Variants in RBM34 observed in about 807,000 individuals in gnomAD.
RBM34 encodes RNA-binding protein 34.
Under a neutral mutation model 44.6 loss-of-function variants are expected in RBM34, and 39 were observed. That is an observed-to-expected ratio of 0.87 (90% CI 0.68 to 1.14). The LOEUF is 1.14. Ranked by LOEUF, RBM34 falls within the 50% of genes most tolerant of loss-of-function variation. The pLI, the probability that RBM34 is intolerant of heterozygous loss-of-function variation, is 0.00. For missense variants in RBM34, 572 were observed against 517.9 expected (o/e 1.10, Z -1.01); for synonymous variants, 194 against 184.0 (o/e 1.05, Z -0.44).
At chr1:235,134,284 A>G (rs1197429959) in intron 10 of RBM34, among the ~76,000 whole-genome samples, 1 of 152,058 alleles carries the variant, frequency 6.6e-6, no homozygotes, top group African/African-American at 2.4e-5. Context: ...TTGGCCTCCT[A>G]AAGTGGTGGG....
chr1:235,155,816 CATATACATATATATATATATAT>C (rs1438449708), intron 3 of RBM34, among the ~76,000 whole-genome samples: 22 of 72,722 alleles, frequency 3.0e-4, no homozygotes, highest in African/African-American at 1.2e-3. Flanking sequence ...TTTATACATA[CATATACATATATATATATATAT>C]ATATATATAT....
intron 3 of RBM34, among the ~76,000 whole-genome samples, chr1:235,155,840 T>C (rs1381424164): frequency 8.2e-4 from 21 of 25,608 alleles, no homozygotes; most frequent in Admixed American, 2.6e-3. Context: ...TATATATATA[T>C]ATATATATAT....
In RBM34 at chr1:235,131,400, T is replaced by G. The variant is rs545312333; in HGVS notation, c.*313A>C. The G allele has an allele frequency of 3.1e-5, 6 of 193,998 alleles. No individual in the cohort carries two copies. The East Asian group carries it at 7.5e-4, about 24-fold the overall frequency. The allele number at this position is 193,998 out of a possible 1,614,324, so 12.0% of individuals were successfully genotyped here. ...GCAGGCGCCTGTAATCCCAGCTACT[T>G]GGGAGGCTGAGGCAGGAGAAGCGCT... On this transcript the variant is annotated 3_prime_UTR_variant, in exon 11 of 11. Coordinates refer to ENST00000408888, the MANE Select transcript of RBM34 (RefSeq NM_015014.4).
intron 6 of RBM34, among the ~76,000 whole-genome samples, chr1:235,145,333 A>AGTG (rs1661857589): frequency 6.7e-6 from 1 of 150,264 alleles, no homozygotes; most frequent in South Asian, 2.1e-4. Flanking sequence ...GCTGGAGCGT[A>AGTG]GTGGTGCAAT....
intron 3 of RBM34, among the ~76,000 whole-genome samples, 200 bp from the exon 4 acceptor site, chr1:235,155,312 G>A (rs908123143): frequency 6.6e-6 from 1 of 151,730 alleles, no homozygotes; most frequent in East Asian, 1.9e-4. Flanking sequence ...GAAAAAAAAT[G>A]ATTTAACTCA....
At chr1:235,147,501 T>C (rs1224197720) in intron 6 of RBM34, among the ~76,000 whole-genome samples, 3 of 152,184 alleles carry the variant, frequency 2.0e-5, no homozygotes, top group Non-Finnish European at 4.4e-5. Context: ...ATGCCTGGTA[T>C]CTAGGAGGAT....
chr1:235,155,486 C>T (rs917087405), intron 3 of RBM34, among the ~76,000 whole-genome samples: 2 of 146,460 alleles, frequency 1.4e-5, no homozygotes, highest in Non-Finnish European at 3.0e-5. Flanking sequence ...GGACCACAGG[C>T]GCATGCCCCC....
At chr1:235,140,726 A>G (rs1003814660) in intron 6 of RBM34, among the ~76,000 whole-genome samples, 3 of 152,248 alleles carry the variant, frequency 2.0e-5, no homozygotes, top group African/African-American at 7.2e-5. Context: ...GCCCCGGTGC[A>G]GGATCCACTG....
In RBM34 at chr1:235,160,845, T is replaced by C. The variant is rs756100178; in HGVS notation, c.228+48A>G. 38 of 1,601,354 alleles carry C rather than the reference T, an allele frequency of 2.4e-5. 1 individual carries two copies. The East Asian group carries it at 7.8e-4, about 33-fold the overall frequency. Reference sequence around the variant, plus strand: ...CGGTAGGTAAGAAGATTGCTTTGTATGTAAGTGGTTCTAACGAGCTATTCG... The same window carrying C: ...CGGTAGGTAAGAAGATTGCTTTGTACGTAAGTGGTTCTAACGAGCTATTCG... On this transcript the variant is annotated intron_variant, in intron 2 of 10. Coordinates refer to ENST00000408888, the MANE Select transcript of RBM34 (RefSeq NM_015014.4).
intron 3 of RBM34, among the ~76,000 whole-genome samples, chr1:235,155,862 T>TACATATAC (rs1553275375): frequency 7.5e-5 from 3 of 39,982 alleles, no homozygotes; most frequent in African/African-American, 4.2e-4. Flanking sequence ...TATATATATA[T>TACATATAC]ATATACATAT....
At chr1:235,150,603 C>T (rs1382413054) in intron 5 of RBM34, among the ~76,000 whole-genome samples, 2 of 152,140 alleles carry the variant, frequency 1.3e-5, no homozygotes, top group African/African-American at 2.4e-5. Flanking sequence ...AGAAAACCCA[C>T]GTGTAGAGGA....
chr1:235,153,560 G>C (rs562789094), intron 4 of RBM34, among the ~76,000 whole-genome samples: 25 of 152,140 alleles, frequency 1.6e-4, no homozygotes, highest in African/African-American at 6.0e-4. Flanking sequence ...AAGTAGCTGG[G>C]ATTACAGGCA....
intron 5 of RBM34, among the ~76,000 whole-genome samples, chr1:235,151,963 G>A (rs1366936865): frequency 1.3e-5 from 2 of 152,042 alleles, no homozygotes; most frequent in South Asian, 2.1e-4. Flanking sequence ...AACCCAGGAG[G>A]CGAAGGGTGC....
At chr1:235,132,358 G>C (rs978366266) in intron 10 of RBM34, among the ~76,000 whole-genome samples, 1 of 151,992 alleles carries the variant, frequency 6.6e-6, no homozygotes, top group African/African-American at 2.4e-5. Context: ...TGCCAGGCTG[G>C]AGTGCAGTGG....
chr1:235,160,424 TG>T (rs1662655516), intron 3 of RBM34, 86 bp downstream of exon 3: 1 of 1,480,612 alleles, frequency 6.8e-7, no homozygotes, highest in African/African-American at 1.4e-5. Context: ...AGTAGAAATA[TG>T]AAATAAAACT....
chr1:235,147,738 G>A (rs1661964705), intron 6 of RBM34, among the ~76,000 whole-genome samples: 1 of 152,000 alleles, frequency 6.6e-6, no homozygotes. Context: ...TGTTTCTAAA[G>A]TACATTATTA....
chr1:235,152,382 G>A lies in RBM34; in HGVS notation c.657+324C>T, dbSNP rs1662203217. ...GTATGATGGGACATAGGAAGAGAAT[G>A]CCTAGGATTCCAGCAATGATAATCA... On this transcript the variant is annotated intron_variant, in intron 5 of 10. Coordinates refer to ENST00000408888, the MANE Select transcript of RBM34 (RefSeq NM_015014.4). 5 of 715,114 alleles carry A rather than the reference G, an allele frequency of 7.0e-6. 1 individual carries two copies. In the South Asian group the frequency reaches 2.7e-4, roughly 39 times the overall value. 44.3% of individuals were successfully genotyped at this position (715,114 alleles called of 1,614,324 possible).
intron 6 of RBM34, among the ~76,000 whole-genome samples, chr1:235,140,798 G>C (rs1661651209): frequency 6.6e-6 from 1 of 152,340 alleles, no homozygotes; most frequent in East Asian, 1.9e-4. Context: ...GTCTAGCTCA[G>C]GGATTGTAAA....
At chr1:235,146,077 G>A (rs868003389) in intron 6 of RBM34, among the ~76,000 whole-genome samples, 4 of 143,398 alleles carry the variant, frequency 2.8e-5, no homozygotes, top group Non-Finnish European at 5.9e-5. Context: ...GTGCTCCTTC[G>A]TCTGATTCCC....
Sources: gnomAD v4.1 joint callset for allele counts (sites outside exome capture counted in the v4.1 genomes callset) on GRCh38, gnomAD v4.1.1 for gene constraint, MANE v1.5 for transcripts, NCBI Gene and HGNC (gene_info 2026-07-23, HGNC 2026-07-21) for gene names.